STAB1: variants seen among roughly 807,000 people sequenced by gnomAD.
The protein encoded by STAB1 is stabilin-1.
Under a neutral mutation model 332.4 loss-of-function variants are expected in STAB1, and 250 were observed. That is an observed-to-expected ratio of 0.75 (90% CI 0.68 to 0.84). The LOEUF (loss-of-function observed/expected upper bound fraction) is 0.84. STAB1 is among the 40% of genes least tolerant of loss of function. The pLI is 0.00. For missense variants in STAB1, 3,249 were observed against 3,489.7 expected (o/e 0.93, Z 1.74); for synonymous variants, 1,475 against 1,390.4 (o/e 1.06, Z -1.35).
At position 52,502,146 on chromosome 3, in the gene STAB1, C is replaced by T. The variant is rs756706101; in HGVS notation, c.418-13C>T. On this transcript the variant is annotated splice_polypyrimidine_tract_variant and intron_variant, in intron 4 of 68. Transcript: ENST00000321725. Reference sequence around the variant, plus strand: ...TCAGAGGGGCCACGCTGACTTGGTGCATCCACCACCAGGAAAACTTCCGCG... The same window carrying T: ...TCAGAGGGGCCACGCTGACTTGGTGTATCCACCACCAGGAAAACTTCCGCG... 1 of 1,613,530 alleles carries T rather than the reference C, an allele frequency of 6.2e-7. No homozygotes were observed. Among genetic ancestry groups the T allele is most frequent in the Non-Finnish European group, 8.5e-7 (1 of 1,180,004 alleles).
Position 52,512,853 on chromosome 3 carries a change from A to G in STAB1, c.3053A>G (p.Asp1018Gly). The G allele has an allele frequency of 6.2e-7, 1 of 1,609,972 alleles. No homozygotes were observed. Among genetic ancestry groups the G allele is most frequent in the Non-Finnish European group, 8.5e-7 (1 of 1,179,798 alleles). ...AGTGCCGGCATCACGCTTCCTGCCG[A>G]CCGCCGAGTCACAGCCCTGGTGCCC... ...LKSAGITLPA[D>G]RRVTALVPSE... The change falls in exon 29 of 69, where the codon GAC becomes GGC. Residue 1018 changes from aspartate to glycine, a missense_variant. Asp to Gly is a moderately conservative substitution (Grantham distance 94). Coordinates refer to ENST00000321725, the MANE Select transcript of STAB1 (RefSeq NM_015136.3).
rs748674040 is a variant in STAB1, at chr3:52,503,409, C to T, written c.760C>T (p.Gln254Ter). 2 of 1,613,682 alleles carry T rather than the reference C, an allele frequency of 1.2e-6. No homozygotes were observed. Among genetic ancestry groups the T allele is most frequent in the East Asian group, 2.2e-5 (1 of 44,882 alleles). ...CCAGTGCTCGGTGAGCCCCAAGGGG[C>T]AGGCTCAGTGTCACTGCCCTGAGAA... is the stretch of plus-strand genomic sequence containing the variant. The part of the protein sequence containing the change: ...LAQCSVSPKG[Q>*]AQCHCPENYH... Residue 254 changes from glutamine to a stop codon, truncating the protein, a stop_gained, in exon 8 of 69, where the codon CAG becomes TAG. Coordinates refer to ENST00000321725, the MANE Select transcript of STAB1 (RefSeq NM_015136.3). LOFTEE classifies it high-confidence loss of function.
chr3:52,510,960 G>T (rs770927835), intron 25 of STAB1, among the ~76,000 whole-genome samples: 2 of 152,222 alleles, frequency 1.3e-5, no homozygotes, highest in African/African-American at 2.4e-5. Flanking sequence ...CAAGTGGGAG[G>T]CCAGGCCTGG....
At chr3:52,517,140 T>C in intron 42 of STAB1, 31 bp downstream of exon 42, 1 of 1,520,172 alleles carries the variant, frequency 6.6e-7, no homozygotes, top group Non-Finnish European at 8.8e-7. Flanking sequence ...TGGGTTTATG[T>C]TGGGCTAGGG....
In STAB1 at chr3:52,512,593, T is replaced by A; in HGVS notation, c.2980-3T>A. On this transcript the variant is annotated splice_region_variant and splice_polypyrimidine_tract_variant and intron_variant, in intron 27 of 68. Coordinates refer to ENST00000321725, the MANE Select transcript of STAB1 (RefSeq NM_015136.3). Reference sequence around the variant, plus strand: ...GTGACCTCAGACTTTTCCCTTCCCTTAGGAGCTGGAGGCAAATGCCCACTT... The same window carrying A: ...GTGACCTCAGACTTTTCCCTTCCCTAAGGAGCTGGAGGCAAATGCCCACTT... The A allele has an allele frequency of 6.2e-7, 1 of 1,613,896 alleles. No homozygotes were observed.
At position 52,509,947 on chromosome 3, in the gene STAB1, G is replaced by C. The variant is rs751606639; in HGVS notation, c.2425G>C (p.Gly809Arg). 12 of 1,612,902 alleles carry C rather than the reference G, an allele frequency of 7.4e-6. No individual in the cohort carries two copies. The South Asian group carries it at 1.3e-4, about 18-fold the overall frequency. The change falls in exon 23 of 69, where the codon GGC (glycine) becomes CGC (arginine). Residue 809 changes from glycine to arginine, a missense_variant. Physicochemically the swap from Gly to Arg is moderately radical, Grantham distance 125. Coordinates refer to ENST00000321725, the MANE Select transcript of STAB1 (RefSeq NM_015136.3). Reference sequence around the variant, plus strand: ...GTGCCAGCAGGGCACGTGTGCCCCTGGCTTCAGTGGCCGGTTCTGCAACGA... The same window carrying C: ...GTGCCAGCAGGGCACGTGTGCCCCTCGCTTCAGTGGCCGGTTCTGCAACGA... Reference protein sequence around the residue: ...GVCQQGTCAPGFSGRFCNESM... With the variant: ...GVCQQGTCAPRFSGRFCNESM...
intron 26 of STAB1, 49 bp from the exon 27 acceptor site, chr3:52,512,292 C>A: frequency 1.3e-6 from 2 of 1,570,170 alleles, no homozygotes; most frequent in South Asian, 2.2e-5. Flanking sequence ...GGGAGGGGCC[C>A]AGCTGCCATC....
chr3:52,509,914 G>C lies in STAB1; in HGVS notation c.2392G>C (p.Gly798Arg). ...HGLCDNRPGS[G>R]GVCQQGTCAP... ...TCTCTGCGACAACCGCCCAGGCAGT[G>C]GGGGGGTGTGCCAGCAGGGCACGTG... Residue 798 changes from glycine to arginine, a missense_variant, in exon 23 of 69, where the codon GGG becomes CGG. By Grantham distance (125) the Gly-to-Arg change is moderately radical. Transcript: ENST00000321725. 1 of 1,612,802 alleles carries C rather than the reference G, an allele frequency of 6.2e-7. No homozygotes were observed.
chr3:52,518,060 A>C, intron 45 of STAB1, 57 bp downstream of exon 45: 1 of 1,551,324 alleles, frequency 6.4e-7, no homozygotes, highest in South Asian at 1.2e-5. Context: ...CATGGGCCTG[A>C]CCCATGGTCT....
intron 27 of STAB1, 55 bp downstream of exon 27, chr3:52,512,491 C>T: frequency 6.2e-7 from 1 of 1,610,820 alleles, no homozygotes; most frequent in East Asian, 2.2e-5. Flanking sequence ...AAGGAGCCCT[C>T]TCCAGCACCT....
chr3:52,522,365 A>C lies in STAB1; in HGVS notation c.6501A>C (p.Val2167=). 1 of 1,613,014 alleles carries C rather than the reference A, an allele frequency of 6.2e-7. No homozygotes were observed. Among genetic ancestry groups the C allele is most frequent in the Non-Finnish European group, 8.5e-7 (1 of 1,180,018 alleles). ...GCTGTGAGTGCCACGCAGGCTACGT[A>C]GGCGATGGACTGCAGTGTCTGGAGG... ...TRRCECHAGY[V]GDGLQCLEES... Residue 2167 remains valine, a synonymous_variant, in exon 60 of 69, where the codon GTA becomes GTC. Transcript: ENST00000321725.
chr3:52,501,775 C>T (rs748424111), intron 3 of STAB1, 22 bp downstream of exon 3: 65 of 1,546,042 alleles, frequency 4.2e-5, no homozygotes, highest in Non-Finnish European at 5.2e-5. Context: ...AGGGGGACCC[C>T]GCCTTGCGCC....
intron 10 of STAB1, 138 bp from the exon 11 acceptor site, chr3:52,504,323 A>G (rs2153233086): frequency 7.3e-7 from 1 of 1,363,734 alleles, no homozygotes; most frequent in South Asian, 1.3e-5. Flanking sequence ...CTCCAACCTC[A>G]AGGCCCCCAT....
chr3:52,519,305 C>T lies in STAB1; in HGVS notation c.5076C>T (p.Ser1692=). 6.2e-7 allele frequency: 1 copy of T among 1,613,032 alleles called. No individual in the cohort carries two copies. The highest frequency in any genetic ancestry group is 8.5e-7 in the Non-Finnish European group (1 of 1,179,992). Residue 1692 remains serine, a synonymous_variant, in exon 49 of 69, where the codon AGC becomes AGT. Coordinates refer to ENST00000321725, the MANE Select transcript of STAB1 (RefSeq NM_015136.3). ...ATGACTTCGCGCGCGTGGTGAGCAG[C>T]GACCATGAGGCCGTGAACGGCATCC... is the stretch of plus-strand genomic sequence containing the variant. ...YLNDFARVVS[S]DHEAVNGILH... is the part of the protein sequence containing the mutation.
rs770997505 is a variant in STAB1 at position 52,514,410 on chromosome 3, T to C, written c.3592T>C (p.Ser1198Pro). 10 of 1,553,444 alleles carry C rather than the reference T, an allele frequency of 6.4e-6. No homozygotes were observed. In the African/African-American group the frequency reaches 9.6e-5, roughly 15 times the overall value. ...CCATGTGGTCCTGGGGGAGGCCCTC[T>C]CCATGGAAACCCTGCGGAAGGGTGG... ...RHHVVLGEAL[S>P]METLRKGGHR... Residue 1198 changes from serine (S) to proline (P), a missense_variant, in exon 34 of 69, where the codon TCC becomes CCC. Physicochemically the swap from Ser to Pro is moderately conservative, Grantham distance 74. Coordinates refer to ENST00000321725, the MANE Select transcript of STAB1 (RefSeq NM_015136.3).
At chr3:52,496,617 G>C (rs1005600820) in intron 1 of STAB1, among the ~76,000 whole-genome samples, 7 of 152,228 alleles carry the variant, frequency 4.6e-5, no homozygotes, top group African/African-American at 1.7e-4. Context: ...AGAGCCAAGG[G>C]TTCCAGGGCT....
Position 52,524,166 on chromosome 3 carries a change from G to A in STAB1, c.7609G>A (p.Val2537Ile). 6.2e-7 allele frequency: 1 copy of A among 1,614,086 alleles called. No individual in the cohort carries two copies. Among genetic ancestry groups the A allele is most frequent in the Non-Finnish European group, 8.5e-7 (1 of 1,180,036 alleles). ...QEGTNPTLVS[V>I]PNPVFGSDTF... ...AGGGACCAACCCCACCCTGGTCTCTGTCCCCAACCCTGTCTTTGGCAGCGA... is the reference window on the plus strand; with the variant it reads ...AGGGACCAACCCCACCCTGGTCTCTATCCCCAACCCTGTCTTTGGCAGCGA... The change falls in exon 68 of 69, where the codon GTC (valine) becomes ATC (isoleucine). Residue 2537 changes from valine to isoleucine, a missense_variant. By Grantham distance (29) the Val-to-Ile change is conservative. Coordinates refer to ENST00000321725, the MANE Select transcript of STAB1 (RefSeq NM_015136.3).
intron 46 of STAB1, 36 bp downstream of exon 46, chr3:52,518,395 T>C (rs1239015185): frequency 6.9e-6 from 11 of 1,605,726 alleles, no homozygotes; most frequent in Non-Finnish European, 9.3e-6. Flanking sequence ...GACCTGCAAG[T>C]CCCACCCCTC....
At position 52,522,326 on chromosome 3, in the gene STAB1, C is replaced by G; in HGVS notation, c.6466-4C>G. On this transcript the variant is annotated splice_region_variant and splice_polypyrimidine_tract_variant and intron_variant, in intron 59 of 68. Coordinates refer to ENST00000321725, the MANE Select transcript of STAB1 (RefSeq NM_015136.3). ...AGGGCGCCCACTGCTCTCTCCAACC[C>G]CAGAACACACGGCGCTGTGAGTGCC... The G allele has an allele frequency of 6.2e-7, 1 of 1,612,912 alleles. No homozygotes were observed. Among genetic ancestry groups the G allele is most frequent in the South Asian group, 1.1e-5 (1 of 91,080 alleles).
Sources: gnomAD v4.1 joint callset for allele counts (sites outside exome capture counted in the v4.1 genomes callset) on GRCh38, gnomAD v4.1.1 for gene constraint, MANE v1.5 for transcripts, NCBI Gene and HGNC (gene_info 2026-07-23, HGNC 2026-07-21) for gene names.